Variants in THSD7A observed in about 807,000 individuals in gnomAD.
THSD7A encodes thrombospondin type-1 domain-containing protein 7A.
In THSD7A, 96 loss-of-function variants were observed where a neutral mutation model predicts 231.3. That is an observed-to-expected ratio of 0.41 (90% CI 0.35 to 0.49). The LOEUF is 0.49. Among genes scored for constraint, THSD7A ranks in the 20% least tolerant of loss-of-function variants. The pLI is 0.05. For synonymous variants in THSD7A, 940 were observed against 743.3 expected (o/e 1.26, Z -4.30); for missense variants, 2,290 against 2,070.2 (o/e 1.11, Z -2.06).
intron 1 of THSD7A, among the ~76,000 whole-genome samples, chr7:11,751,829 G>A (rs889469454): frequency 4.0e-5 from 6 of 151,896 alleles, no homozygotes; most frequent in East Asian, 1.9e-4. Context: ...TATATGAATC[G>A]GTCCCATCCT....
chr7:11,646,795 G>A (rs999097575), intron 1 of THSD7A, among the ~76,000 whole-genome samples: 4 of 152,030 alleles, frequency 2.6e-5, no homozygotes, highest in African/African-American at 7.2e-5. Context: ...AGCATGCTAT[G>A]TTGTCCTGGA....
chr7:11,605,261 A>C (rs1382920253), intron 2 of THSD7A, among the ~76,000 whole-genome samples: 6 of 152,104 alleles, frequency 3.9e-5, no homozygotes, highest in African/African-American at 1.4e-4. Context: ...TTTTCTTCCT[A>C]ATATGGAAAA....
At chr7:11,522,836 T>G (rs1321549586) in intron 6 of THSD7A, among the ~76,000 whole-genome samples, 1 of 152,168 alleles carries the variant, frequency 6.6e-6, no homozygotes, top group Non-Finnish European at 1.5e-5. Context: ...TATCAATTCA[T>G]AGCACACATT....
At chr7:11,456,889 TC>T (rs1282310150) in intron 11 of THSD7A, among the ~76,000 whole-genome samples, 11 of 152,068 alleles carry the variant, frequency 7.2e-5, no homozygotes, top group African/African-American at 2.7e-4. Flanking sequence ...CATTTCTATC[TC>T]TAGAATCATA....
chr7:11,752,128 C>G (rs1434725371), intron 1 of THSD7A, among the ~76,000 whole-genome samples: 1 of 152,026 alleles, frequency 6.6e-6, no homozygotes, highest in African/African-American at 2.4e-5. Flanking sequence ...GATTTCTGGT[C>G]AGATCATGAG....
At chr7:11,478,597 A>G (rs563712279) in intron 7 of THSD7A, among the ~76,000 whole-genome samples, 1 of 151,358 alleles carries the variant, frequency 6.6e-6, no homozygotes, top group East Asian at 1.9e-4. Context: ...GAAAGAAAGG[A>G]AAAGGAAAAG....
chr7:11,452,883 T>C (rs553993756), intron 11 of THSD7A, among the ~76,000 whole-genome samples: 48 of 152,128 alleles, frequency 3.2e-4, no homozygotes, highest in African/African-American at 9.9e-4. Context: ...ATGGTATATA[T>C]AACTGCAGAG....
At chr7:11,414,675 A>G (rs2115391309) in intron 17 of THSD7A, among the ~76,000 whole-genome samples, 1 of 152,346 alleles carries the variant, frequency 6.6e-6, no homozygotes, top group South Asian at 2.1e-4. Context: ...CAGTCTTCTG[A>G]AAACAGTTGG....
intron 23 of THSD7A, among the ~76,000 whole-genome samples, chr7:11,399,455 G>A (rs1302476782): frequency 8.6e-6 from 1 of 115,950 alleles, no homozygotes; most frequent in East Asian, 2.2e-4. Context: ...TATTGGTTTT[G>A]TTGATTATTT....
intron 1 of THSD7A, among the ~76,000 whole-genome samples, chr7:11,671,165 G>T (rs549042907): frequency 6.6e-6 from 1 of 152,158 alleles, no homozygotes; most frequent in Non-Finnish European, 1.5e-5. Flanking sequence ...AGTAGAAAAT[G>T]CTTTTAGCTG....
At chr7:11,753,050 T>C (rs559504622) in intron 1 of THSD7A, among the ~76,000 whole-genome samples, 6 of 152,126 alleles carry the variant, frequency 3.9e-5, no homozygotes, top group East Asian at 1.9e-4. Context: ...AAAATTTTAA[T>C]GTTTCCTCTG....
intron 2 of THSD7A, among the ~76,000 whole-genome samples, chr7:11,615,821 C>T (rs1239115753): frequency 6.6e-6 from 1 of 152,134 alleles, no homozygotes; most frequent in Non-Finnish European, 1.5e-5. Context: ...TGTATTTTAT[C>T]TGACATTATA....
At chr7:11,471,774 C>G (rs1271109142) in intron 8 of THSD7A, among the ~76,000 whole-genome samples, 1 of 152,052 alleles carries the variant, frequency 6.6e-6, no homozygotes, top group East Asian at 1.9e-4. Context: ...AGTAGAATTA[C>G]AATTTAACCT....
intron 13 of THSD7A, among the ~76,000 whole-genome samples, chr7:11,437,137 T>G (rs573220059): frequency 2.6e-5 from 4 of 152,224 alleles, no homozygotes; most frequent in Admixed American, 6.5e-5. Flanking sequence ...CAGCCTGGCC[T>G]GAGGGGCTCT....
At chr7:11,402,563 A>C (rs1783442958) in intron 22 of THSD7A, among the ~76,000 whole-genome samples, 1 of 152,214 alleles carries the variant, frequency 6.6e-6, no homozygotes. Context: ...GATTTATTGA[A>C]GGATAACAAA....
chr7:11,717,089 A>C (rs1427316878), intron 1 of THSD7A, among the ~76,000 whole-genome samples: 1 of 99,870 alleles, frequency 1.0e-5, no homozygotes, highest in African/African-American at 3.8e-5. Context: ...GAGAAAGCTA[A>C]CATTTTTTAT....
intron 1 of THSD7A, among the ~76,000 whole-genome samples, chr7:11,705,408 G>C (rs1780731792): frequency 6.6e-6 from 1 of 150,996 alleles, no homozygotes; most frequent in South Asian, 2.1e-4. Flanking sequence ...AGGCCTAGTT[G>C]CATCTTCTAC....
At chr7:11,825,071 T>A (rs1158205132) in intron 1 of THSD7A, among the ~76,000 whole-genome samples, 2 of 152,136 alleles carry the variant, frequency 1.3e-5, no homozygotes, top group Non-Finnish European at 2.9e-5. Context: ...TTTTTTTGTC[T>A]TTCATGCTGT....
intron 1 of THSD7A, among the ~76,000 whole-genome samples, chr7:11,793,529 T>C (rs1784024427): frequency 6.8e-6 from 1 of 148,052 alleles, no homozygotes; most frequent in African/African-American, 2.5e-5. Flanking sequence ...AAATACAATC[T>C]TAGAAAATAG....
Sources: allele counts gnomAD v4.1 joint callset (sites outside exome capture counted in the v4.1 genomes callset), GRCh38; gene constraint gnomAD v4.1.1; transcripts MANE v1.5; gene names NCBI Gene and HGNC (gene_info 2026-07-23, HGNC 2026-07-21).